The following DNAAF11 variants were observed in gnomAD, a reference collection of about 807,000 sequenced individuals.
The protein encoded by DNAAF11 is dynein axonemal assembly factor 11.
Under a neutral mutation model 60.8 loss-of-function variants are expected in DNAAF11, and 45 were observed. The ratio of observed to expected loss-of-function variants is 0.74; its 90% CI spans 0.58 to 0.95. The LOEUF (loss-of-function observed/expected upper bound fraction) is 0.95, where lower values mean the gene tolerates loss of function less well. Among genes scored for constraint, DNAAF11 ranks in the 40% least tolerant of loss-of-function variants. DNAAF11 has a pLI of 0.00. For missense variants in DNAAF11, 546 were observed against 546.2 expected, an observed-to-expected ratio of 1.00 and a Z score of 0.00; for synonymous variants, 191 against 183.5, an observed-to-expected ratio of 1.04 and a Z score of -0.33.
intron 11 of DNAAF11, among the ~76,000 whole-genome samples, chr8:132,575,814 G>A (rs780873091): frequency 3.9e-5 from 6 of 152,176 alleles, no homozygotes; most frequent in Non-Finnish European, 8.8e-5. Context: ...ACCCAAGGTG[G>A]GGATGGGGGA....
At chr8:132,690,559 A>G in the DNAAF11 span, among the ~76,000 whole-genome samples, 3 of 152,216 alleles carry the variant, frequency 2.0e-5, no homozygotes, top group Non-Finnish European at 4.4e-5. Flanking sequence ...TATATTTGTT[A>G]CAATCAAATA....
At chr8:132,625,948 C>CTAGGAGAAA (rs1420737335) in intron 5 of DNAAF11, among the ~76,000 whole-genome samples, 1 of 152,182 alleles carries the variant, frequency 6.6e-6, no homozygotes, top group Non-Finnish European at 1.5e-5. Context: ...ACACTACTTC[C>CTAGGAGAAA]AGAAGGACTT....
chr8:132,675,314 G>GGGTC (rs1343040997), intron 1 of DNAAF11, 170 bp downstream of exon 1: 21 of 640,230 alleles, frequency 3.3e-5, no homozygotes, highest in Non-Finnish European at 4.6e-5. Flanking sequence ...AGTCTGCAGA[G>GGGTC]GACCTGGTGC....
At chr8:132,640,022 C>A (rs1387561289) in intron 3 of DNAAF11, among the ~76,000 whole-genome samples, 1 of 152,182 alleles carries the variant, frequency 6.6e-6, no homozygotes, top group African/African-American at 2.4e-5. Flanking sequence ...TATATTCATT[C>A]AAGCCATTGT....
At chr8:132,654,300 G>A (rs1019695305) in intron 3 of DNAAF11, among the ~76,000 whole-genome samples, 5 of 151,958 alleles carry the variant, frequency 3.3e-5, no homozygotes, top group East Asian at 1.9e-4. Context: ...TTATTGACAC[G>A]AGCTAGGGAC....
chr8:132,627,195 T>A (rs1438468811), intron 5 of DNAAF11, among the ~76,000 whole-genome samples: 1 of 152,196 alleles, frequency 6.6e-6, no homozygotes, highest in Non-Finnish European at 1.5e-5. Context: ...AAATAATTGG[T>A]TCCATTCTCA....
At chr8:132,636,066 C>T (rs1277694776) in intron 4 of DNAAF11, among the ~76,000 whole-genome samples, 2 of 151,786 alleles carry the variant, frequency 1.3e-5, no homozygotes, top group Non-Finnish European at 2.9e-5. Flanking sequence ...TCTAAGCCAT[C>T]TAGTTTGCAG....
chr8:132,674,160 A>AAGG (rs1554613110), intron 1 of DNAAF11, among the ~76,000 whole-genome samples: 1 of 38,916 alleles, frequency 2.6e-5, no homozygotes, highest in African/African-American at 1.0e-4. Context: ...GGAGGAGGAG[A>AAGG]AGGAGAAGGA....
At chr8:132,674,927 G>A (rs541688892) in intron 1 of DNAAF11, among the ~76,000 whole-genome samples, 4 of 152,324 alleles carry the variant, frequency 2.6e-5, no homozygotes, top group African/African-American at 9.6e-5. Context: ...CACTTACTGT[G>A]TCTAAAACAG....
intron 7 of DNAAF11, 151 bp from the exon 8 acceptor site, chr8:132,615,248 G>A (rs996164379): frequency 6.8e-5 from 33 of 488,142 alleles, no homozygotes; most frequent in Admixed American, 1.1e-4. Flanking sequence ...AAATATCAAC[G>A]GTAATTTTAA....
chr8:132,574,026 G>T (rs887575295), intron 11 of DNAAF11, among the ~76,000 whole-genome samples: 12 of 152,108 alleles, frequency 7.9e-5, no homozygotes, highest in African/African-American at 2.9e-4. Context: ...AAGGAATGTG[G>T]GTGAGCAATA....
chr8:132,681,168 G>A, the DNAAF11 span, among the ~76,000 whole-genome samples: 1 of 151,124 alleles, frequency 6.6e-6, no homozygotes, highest in Non-Finnish European at 1.5e-5. Context: ...GCACGACCAC[G>A]CCTGGCTAAT....
intron 3 of DNAAF11, among the ~76,000 whole-genome samples, chr8:132,649,177 C>T (rs969172194): frequency 3.1e-4 from 47 of 152,198 alleles, no homozygotes; most frequent in Middle Eastern, 6.8e-3. Context: ...GAGATATAGA[C>T]CAATGGAACA....
the DNAAF11 span, among the ~76,000 whole-genome samples, chr8:132,681,241 A>G: frequency 1.3e-5 from 2 of 150,098 alleles, no homozygotes; most frequent in Non-Finnish European, 1.5e-5. Context: ...AACTCCTGAT[A>G]TCAGGTTATC....
chr8:132,622,662 G>A lies in DNAAF11; in HGVS notation c.863C>T (p.Pro288Leu). The change falls in exon 7 of 12, where the codon CCC (proline) becomes CTC (leucine). Residue 288 changes from proline (P) to leucine (L), a missense_variant. Transcript: ENST00000620350. ...LSEKKKKVKP[P>L]RTLITEDGKA... Reference sequence around the variant, plus strand: ...CCCATCTTCAGTGATCAAAGTCCTGGGTGGTTTCACTTTCTTCTTTTTTTC... The same window carrying A: ...CCCATCTTCAGTGATCAAAGTCCTGAGTGGTTTCACTTTCTTCTTTTTTTC... 6.2e-7 allele frequency: 1 copy of A among 1,613,434 alleles called. No homozygotes were observed. The highest frequency in any genetic ancestry group is 1.1e-5 in the South Asian group (1 of 90,938).
At position 132,669,940 on chromosome 8, in the gene DNAAF11, CAAAAAAA is replaced by C. The variant is rs35402875; in HGVS notation, c.10+5537_10+5543del. Among the ~76,000 whole-genome samples, 432 of 69,794 alleles carry C rather than the reference CAAAAAAA, an allele frequency of 6.2e-3. 1 individual carries two copies. The highest frequency in any genetic ancestry group is 0.016 in the African/African-American group (401 of 25,070). 45.8% of individuals were successfully genotyped at this position (69,794 alleles called of 152,430 possible). A position where few individuals can be genotyped will look rare whatever the true frequency, so the allele number is the denominator to read the frequency against. ...TGGGTGACAGAGCAAGACTCCGTCTCAAAAAAAAAAAAAAAAAAAAAAAAATTACACA... is the reference window on the plus strand; with the variant it reads ...TGGGTGACAGAGCAAGACTCCGTCTCAAAAAAAAAAAAAAAAAATTACACA... On this transcript the variant is annotated intron_variant, in intron 1 of 11. Transcript: ENST00000620350.
intron 4 of DNAAF11, among the ~76,000 whole-genome samples, chr8:132,635,445 G>C (rs367891130): frequency 2.6e-4 from 39 of 152,302 alleles, no homozygotes; most frequent in South Asian, 1.4e-3. Context: ...AGTGGAAGCA[G>C]GGGTCAGACC....
chr8:132,575,837 G>A (rs1814688798), intron 11 of DNAAF11, among the ~76,000 whole-genome samples: 1 of 152,178 alleles, frequency 6.6e-6, no homozygotes, highest in African/African-American at 2.4e-5. Context: ...GAGCGGGAGT[G>A]TCTGGCCCAG....
At chr8:132,577,646 T>C (rs991178271) in intron 11 of DNAAF11, among the ~76,000 whole-genome samples, 20 of 152,198 alleles carry the variant, frequency 1.3e-4, no homozygotes, top group African/African-American at 4.1e-4. Context: ...GCCACTGACA[T>C]TGACATGGCA....
Sources: allele counts gnomAD v4.1 joint callset (sites outside exome capture counted in the v4.1 genomes callset), GRCh38; gene constraint gnomAD v4.1.1; transcripts MANE v1.5; gene names NCBI Gene and HGNC (gene_info 2026-07-23, HGNC 2026-07-21).